The following CBLB variants were observed in gnomAD, a reference collection of about 807,000 sequenced individuals.
CBLB encodes Cbl proto-oncogene B.
In CBLB, 31 loss-of-function variants were observed where a neutral mutation model predicts 104.9. The observed-to-expected ratio is 0.30, with a 90% CI of 0.22 to 0.40. CBLB has a LOEUF of 0.40. Among genes scored for constraint, CBLB ranks in the 10% least tolerant of loss-of-function variants. The pLI, the probability that CBLB is intolerant of heterozygous loss-of-function variation, is 1.00. For missense variants in CBLB, 1,062 were observed against 1,214.6 expected, an observed-to-expected ratio of 0.87 and a Z score of 1.87; for synonymous variants, 440 against 422.6, an observed-to-expected ratio of 1.04 and a Z score of -0.51.
chr3:105,802,628 T>G (rs1317467725), intron 3 of CBLB, among the ~76,000 whole-genome samples: 2 of 152,196 alleles, frequency 1.3e-5, no homozygotes, highest in African/African-American at 2.4e-5. Context: ...AATCATTTAC[T>G]TGCCCCTATG....
intron 17 of CBLB, chr3:105,672,979 C>T (rs557080415): frequency 2.0e-5 from 3 of 149,980 alleles, no homozygotes; most frequent in South Asian, 2.1e-4. Flanking sequence ...CTTACATACT[C>T]GTAGGCAAAA....
chr3:105,662,858 A>G (rs2063923342), intron 18 of CBLB, among the ~76,000 whole-genome samples: 1 of 152,206 alleles, frequency 6.6e-6, no homozygotes, highest in Admixed American at 6.5e-5. Context: ...GAAGAGAGTG[A>G]TGTGGCCGAC....
At chr3:105,840,307 T>C (rs192603229) in intron 3 of CBLB, among the ~76,000 whole-genome samples, 95 of 152,174 alleles carry the variant, frequency 6.2e-4, no homozygotes, top group Non-Finnish European at 2.4e-4. Context: ...AAGGAAGAGA[T>C]ATTTACAGAA....
intron 4 of CBLB, among the ~76,000 whole-genome samples, chr3:105,755,746 GAAC>G (rs1271420689): frequency 6.6e-6 from 1 of 152,120 alleles, no homozygotes; most frequent in Non-Finnish European, 1.5e-5. Flanking sequence ...TTATGACTAA[GAAC>G]ATCTACTTCT....
chr3:105,695,406 T>G (rs2068241626), intron 12 of CBLB, among the ~76,000 whole-genome samples: 1 of 151,792 alleles, frequency 6.6e-6, no homozygotes, highest in Non-Finnish European at 1.5e-5. Flanking sequence ...ATCTTGCACA[T>G]TAGGTAAATG....
chr3:105,842,662 C>T (rs531096901), intron 3 of CBLB, among the ~76,000 whole-genome samples: 3 of 152,202 alleles, frequency 2.0e-5, no homozygotes, highest in African/African-American at 7.2e-5. Context: ...AAGACAGACA[C>T]GTGTGGAGTT....
chr3:105,677,970 T>C (rs2065856472), intron 17 of CBLB, among the ~76,000 whole-genome samples: 1 of 152,072 alleles, frequency 6.6e-6, no homozygotes, highest in Non-Finnish European at 1.5e-5. Flanking sequence ...ACTTCTCTAT[T>C]CTTGTTATAA....
chr3:105,802,366 G>A lies in CBLB; in HGVS notation c.420-25824C>T, dbSNP rs11917910. Among the ~76,000 whole-genome samples, 786 of 152,186 alleles carry A rather than the reference G, an allele frequency of 5.2e-3. 5 individuals are homozygous for A. The highest frequency in any genetic ancestry group is 0.018 in the African/African-American group (766 of 41,510). ...CTCACATGCTTATGTACATCTCTCC[G>A]GTAAAGAGAATCCCTAGGTCACCAT... On this transcript the variant is annotated intron_variant, in intron 3 of 18. Coordinates refer to ENST00000394030, the MANE Select transcript of CBLB (RefSeq NM_170662.5).
intron 3 of CBLB, among the ~76,000 whole-genome samples, chr3:105,789,304 T>C (rs2081377599): frequency 6.6e-6 from 1 of 152,182 alleles, no homozygotes; most frequent in Non-Finnish European, 1.5e-5. Context: ...TGAAGCTGGG[T>C]AGAAAGTATC....
At chr3:105,820,850 G>T (rs879576128) in intron 3 of CBLB, among the ~76,000 whole-genome samples, 2 of 151,906 alleles carry the variant, frequency 1.3e-5, no homozygotes, top group African/African-American at 4.8e-5. Context: ...TAGGAAGTTC[G>T]TTCTCTATTT....
chr3:105,700,044 T>C (rs2068869458), intron 12 of CBLB, among the ~76,000 whole-genome samples: 1 of 152,186 alleles, frequency 6.6e-6, no homozygotes, highest in Non-Finnish European at 1.5e-5. Flanking sequence ...CTCAGTGTTC[T>C]CTATTATACT....
intron 9 of CBLB, among the ~76,000 whole-genome samples, chr3:105,722,566 C>CAATTTCAGTGCAA (rs1410948020): frequency 1.8e-3 from 2 of 1,128 alleles, no homozygotes; most frequent in Non-Finnish European, 4.4e-3. Flanking sequence ...TTTTAAAGAC[C>CAATTTCAGTGCAA]TAATCGTAAC....
intron 17 of CBLB, among the ~76,000 whole-genome samples, chr3:105,678,115 T>C (rs2065871258): frequency 1.3e-5 from 2 of 152,200 alleles, no homozygotes; most frequent in African/African-American, 4.8e-5. Flanking sequence ...TTCCCATTAC[T>C]ATTAGCCTAA....
intron 2 of CBLB, among the ~76,000 whole-genome samples, chr3:105,855,716 G>A (rs868164612): frequency 6.6e-6 from 1 of 152,106 alleles, no homozygotes; most frequent in African/African-American, 2.4e-5. Context: ...AGTATAAAAT[G>A]TACAGAGCCA....
chr3:105,726,907 A>G (rs2073723494), intron 9 of CBLB, among the ~76,000 whole-genome samples: 1 of 152,200 alleles, frequency 6.6e-6, no homozygotes, highest in South Asian at 2.1e-4. Flanking sequence ...GCTGCATAGT[A>G]TTCCATGGTG....
At chr3:105,822,055 A>T (rs930114757) in intron 3 of CBLB, among the ~76,000 whole-genome samples, 5 of 152,154 alleles carry the variant, frequency 3.3e-5, no homozygotes, top group Admixed American at 2.0e-4. Flanking sequence ...ATATGGATGT[A>T]TAAGTTATTT....
intron 17 of CBLB, among the ~76,000 whole-genome samples, chr3:105,674,443 ACT>A (rs1217052765): frequency 6.6e-6 from 1 of 152,214 alleles, no homozygotes; most frequent in Non-Finnish European, 1.5e-5. Flanking sequence ...TCAGAGTTGA[ACT>A]GTGACTTTAA....
At chr3:105,767,073 A>C (rs2078305094) in intron 4 of CBLB, among the ~76,000 whole-genome samples, 1 of 152,190 alleles carries the variant, frequency 6.6e-6, no homozygotes, top group Non-Finnish European at 1.5e-5. Flanking sequence ...TATTGACATA[A>C]AGATACCTGA....
rs142097305 is a variant in CBLB, at chr3:105,830,280, A to G, written c.419+23134T>C. Reference sequence around the variant, plus strand: ...CCAAAATTGCCTAATAAGATTGCCCATTGTTTATATGACAGACATTTAGAT... The same window carrying G: ...CCAAAATTGCCTAATAAGATTGCCCGTTGTTTATATGACAGACATTTAGAT... On this transcript the variant is annotated intron_variant, in intron 3 of 18. Transcript: ENST00000394030. Among the ~76,000 whole-genome samples, 134 of 152,328 alleles carry G rather than the reference A, an allele frequency of 8.8e-4. 1 individual carries two copies. Among genetic ancestry groups the G allele is most frequent in the Admixed American group, 4.2e-3 (65 of 15,302 alleles).
Sources: gnomAD v4.1 joint callset for allele counts (sites outside exome capture counted in the v4.1 genomes callset) on GRCh38, gnomAD v4.1.1 for gene constraint, MANE v1.5 for transcripts, NCBI Gene and HGNC (gene_info 2026-07-23, HGNC 2026-07-21) for gene names.